Variants in PARD3 observed in about 807,000 individuals in gnomAD.
The protein encoded by PARD3 is partitioning defective 3 homolog.
In PARD3, 75 loss-of-function variants were observed where a neutral mutation model predicts 155.4. The ratio of observed to expected loss-of-function variants is 0.48; its 90% CI spans 0.40 to 0.58. The LOEUF is 0.58. Among genes scored for constraint, PARD3 ranks in the 20% least tolerant of loss-of-function variants. PARD3 has a pLI of 0.00. For synonymous variants in PARD3, 576 were observed against 610.5 expected (o/e 0.94, Z 0.83); for missense variants, 1,642 against 1,721.7 (o/e 0.95, Z 0.82).
intron 2 of PARD3, among the ~76,000 whole-genome samples, chr10:34,676,387 C>T (rs1475499196): frequency 6.6e-6 from 1 of 152,148 alleles, no homozygotes; most frequent in Non-Finnish European, 1.5e-5. Flanking sequence ...CTTAGCAGTG[C>T]TCCTTCCCAC....
chr10:34,353,071 G>C (rs1169820505), intron 14 of PARD3, among the ~76,000 whole-genome samples: 1 of 151,764 alleles, frequency 6.6e-6, no homozygotes, highest in Non-Finnish European at 1.5e-5. Context: ...CCGCCCCGCA[G>C]CTGCCCTGTC....
intron 1 of PARD3, among the ~76,000 whole-genome samples, chr10:34,798,410 G>GAA (rs369342398): frequency 1.4e-5 from 2 of 144,434 alleles, no homozygotes; most frequent in African/African-American, 5.1e-5. Context: ...AGAGGAAGAA[G>GAA]AAAAAAAAAA....
chr10:34,796,549 C>T (rs953856522), intron 1 of PARD3, among the ~76,000 whole-genome samples: 4 of 152,206 alleles, frequency 2.6e-5, no homozygotes, highest in African/African-American at 4.8e-5. Context: ...CTATCAGACA[C>T]ATTATGTCTT....
chr10:34,662,871 G>GAA lies in PARD3; in HGVS notation c.222+33445_222+33446dup, dbSNP rs568672135. The stretch of plus-strand genomic sequence containing the variant: ...TGGGTGACAGTGAGAAACTGTCTCA[G>GAA]AAAAAAAAAAAAAAAGAATCAAACT... On this transcript the variant is annotated intron_variant, in intron 2 of 24. Transcript: ENST00000374788. Among the ~76,000 whole-genome samples the GAA allele has an allele frequency of 1.5e-4, 18 of 123,638 alleles. 1 individual carries two copies. Among genetic ancestry groups the GAA allele is most frequent in the African/African-American group, 3.6e-4 (12 of 33,028 alleles). The allele number at this position is 123,638 out of a possible 152,430, so 81.1% of individuals were successfully genotyped here.
chr10:34,262,422 C>T (rs1002333349), intron 22 of PARD3, among the ~76,000 whole-genome samples: 4 of 152,092 alleles, frequency 2.6e-5, no homozygotes, highest in Admixed American at 2.6e-4. Context: ...GTGTGACCAC[C>T]ATGCCCGGAT....
chr10:34,140,460 A>C (rs995581932), intron 22 of PARD3, among the ~76,000 whole-genome samples: 15 of 152,202 alleles, frequency 9.9e-5, no homozygotes, highest in Admixed American at 9.2e-4. Flanking sequence ...AAAAGTATTA[A>C]TCGCTAAATT....
At chr10:34,526,520 C>T (rs2082496523) in intron 2 of PARD3, among the ~76,000 whole-genome samples, 1 of 152,220 alleles carries the variant, frequency 6.6e-6, no homozygotes, top group Non-Finnish European at 1.5e-5. Flanking sequence ...AAAAACAGAG[C>T]TGAGATCCTT....
intron 19 of PARD3, among the ~76,000 whole-genome samples, chr10:34,321,482 A>G (rs1007995444): frequency 1.7e-4 from 26 of 152,202 alleles, no homozygotes; most frequent in African/African-American, 6.3e-4. Flanking sequence ...TTCCAAACAA[A>G]TAGAAATTTC....
chr10:34,426,141 C>T (rs2075591670), intron 5 of PARD3, among the ~76,000 whole-genome samples: 1 of 152,160 alleles, frequency 6.6e-6, no homozygotes, highest in South Asian at 2.1e-4. Flanking sequence ...CCAGAATCAA[C>T]TGGTTTTTAA....
chr10:34,487,717 T>G (rs2079571706), intron 3 of PARD3, among the ~76,000 whole-genome samples: 1 of 152,002 alleles, frequency 6.6e-6, no homozygotes, highest in Non-Finnish European at 1.5e-5. Flanking sequence ...AATATCTGAG[T>G]GGGAGTCAAT....
At chr10:34,343,249 A>G in intron 15 of PARD3, 1 of 785,602 alleles carries the variant, frequency 1.3e-6, no homozygotes, top group Non-Finnish European at 1.5e-6. Context: ...TCACACGGGC[A>G]TAATTTATTA....
chr10:34,648,557 T>G lies in PARD3; in HGVS notation c.222+47761A>C, dbSNP rs562665154. 2.8e-4 allele frequency among the ~76,000 whole-genome samples: 43 copies of G among 152,286 alleles called. No individual in the cohort carries two copies. In the South Asian group the frequency reaches 8.5e-3, roughly 30 times the overall value. ...ACCATCTGGCCTCCGCCTCAGATCA[T>G]CAGGCATTAGTTAGATTCTCAAAAG... On this transcript the variant is annotated intron_variant, in intron 2 of 24. Coordinates refer to ENST00000374788, the MANE Select transcript of PARD3 (RefSeq NM_001184785.2).
At chr10:34,405,065 C>T (rs2132236588) in intron 5 of PARD3, among the ~76,000 whole-genome samples, 1 of 133,340 alleles carries the variant, frequency 7.5e-6, no homozygotes, top group Admixed American at 7.7e-5. Context: ...GAGTGAGACC[C>T]CATCACAAAC....
intron 22 of PARD3, among the ~76,000 whole-genome samples, chr10:34,211,468 G>C (rs1951745242): frequency 6.6e-6 from 1 of 152,162 alleles, no homozygotes; most frequent in African/African-American, 2.4e-5. Flanking sequence ...AAACGACAGA[G>C]GAAGGGAGCA....
intron 1 of PARD3, among the ~76,000 whole-genome samples, chr10:34,697,243 T>A (rs964120440): frequency 1.3e-5 from 2 of 152,214 alleles, no homozygotes; most frequent in African/African-American, 4.8e-5. Flanking sequence ...CACTCTTACG[T>A]ACATATTCAG....
intron 22 of PARD3, among the ~76,000 whole-genome samples, chr10:34,227,871 T>TATATATATATATATATATATATATATAG (rs1952696581): frequency 7.8e-6 from 1 of 128,506 alleles, no homozygotes; most frequent in African/African-American, 2.8e-5. Context: ...TATATATATA[T>TATATATATATATATATATATATATATAG]ATATATATAT....
intron 2 of PARD3, among the ~76,000 whole-genome samples, chr10:34,593,152 G>A (rs550723702): frequency 1.3e-5 from 2 of 152,266 alleles, no homozygotes; most frequent in South Asian, 4.1e-4. Flanking sequence ...AAGTGATAAA[G>A]GAGCTGTAAG....
At chr10:34,466,032 C>A (rs1057107561) in intron 4 of PARD3, among the ~76,000 whole-genome samples, 1 of 152,230 alleles carries the variant, frequency 6.6e-6, no homozygotes, top group Middle Eastern at 3.4e-3. Context: ...CATGTTAACT[C>A]TCAAATGAAA....
At chr10:34,254,020 G>A (rs1954488231) in intron 22 of PARD3, among the ~76,000 whole-genome samples, 1 of 152,114 alleles carries the variant, frequency 6.6e-6, no homozygotes, top group African/African-American at 2.4e-5. Context: ...TGAAGGCCCT[G>A]ACTTCCCACA....
Sources: allele counts gnomAD v4.1 joint callset (sites outside exome capture counted in the v4.1 genomes callset), GRCh38; gene constraint gnomAD v4.1.1; transcripts MANE v1.5; gene names NCBI Gene and HGNC (gene_info 2026-07-23, HGNC 2026-07-21).